The following SELP variants were observed in gnomAD, a reference collection of about 807,000 sequenced individuals.
SELP encodes the protein selectin P, also known as P-selectin.
Under a neutral mutation model 104.1 loss-of-function variants are expected in SELP, and 92 were observed. The ratio of observed to expected loss-of-function variants is 0.88; its 90% CI spans 0.75 to 1.05. SELP has a LOEUF of 1.05. SELP is among the 50% of genes least tolerant of loss of function. SELP has a pLI of 0.00. For synonymous variants in SELP, 397 were observed against 364.5 expected (o/e 1.09, Z -1.01); for missense variants, 1,022 against 1,017.3 (o/e 1.00, Z -0.06).
chr1:169,611,468 G>A, intron 7 of SELP, 24 bp downstream of exon 7: 3 of 1,611,002 alleles, frequency 1.9e-6, no homozygotes, highest in Non-Finnish European at 2.5e-6. Flanking sequence ...GGACAGAATG[G>A]AGGTTGCTAA....
At chr1:169,615,573 T>G (rs1662770482) in intron 3 of SELP, among the ~76,000 whole-genome samples, 1 of 152,182 alleles carries the variant, frequency 6.6e-6, no homozygotes, top group South Asian at 2.1e-4. Flanking sequence ...CAAGGTTATC[T>G]GATAAGAGAT....
intron 15 of SELP, 38 bp downstream of exon 15, chr1:169,591,388 A>G (rs769062381): frequency 1.7e-5 from 25 of 1,438,454 alleles, no homozygotes; most frequent in East Asian, 4.6e-5. Context: ...AAGTTAAGGT[A>G]GCAAAATTTA....
chr1:169,612,244 A>C lies in SELP; in HGVS notation c.934T>G (p.Trp312Gly), dbSNP rs768296218. Residue 312 changes from tryptophan to glycine, a missense_variant, in exon 6 of 17, where the codon TGG becomes GGG. Coordinates refer to ENST00000263686, the MANE Select transcript of SELP (RefSeq NM_003005.4). ...TTACACACTGGGGCTGGGGCTGTCCATACCCCCGAGGCTGTGCATTGCACC... is the reference window on the plus strand; with the variant it reads ...TTACACACTGGGGCTGGGGCTGTCCCTACCCCCGAGGCTGTGCATTGCACC... Reference protein sequence around the residue: ...EVVQCTASGVWTAPAPVCKAV... With the variant: ...EVVQCTASGVGTAPAPVCKAV... 3.1e-6 allele frequency: 5 copies of C among 1,613,936 alleles called. No individual in the cohort carries two copies. Among genetic ancestry groups the C allele is most frequent in the African/African-American group, 2.7e-5 (2 of 74,892 alleles).
chr1:169,627,015 G>A (rs1663404496), intron 1 of SELP, among the ~76,000 whole-genome samples: 1 of 152,066 alleles, frequency 6.6e-6, no homozygotes, highest in African/African-American at 2.4e-5. Context: ...TACAATCAGG[G>A]AGATTGCACT....
intron 7 of SELP, among the ~76,000 whole-genome samples, chr1:169,609,963 A>G (rs566320565): frequency 1.3e-5 from 2 of 151,966 alleles, no homozygotes; most frequent in African/African-American, 4.8e-5. Context: ...AGCCCCTGCA[A>G]TGTGCTCCCA....
chr1:169,617,581 T>C (rs1230217288), intron 2 of SELP, among the ~76,000 whole-genome samples, 167 bp from the exon 3 acceptor site: 2 of 152,188 alleles, frequency 1.3e-5, no homozygotes, highest in African/African-American at 4.8e-5. Context: ...AAAGAGTGGT[T>C]TCCACCTTTC....
Position 169,617,288 on chromosome 1 carries a change from T to C in SELP, c.221A>G (p.Asn74Ser). 2 of 1,614,200 alleles carry C rather than the reference T, an allele frequency of 1.2e-6. No individual in the cohort carries two copies. Among genetic ancestry groups the C allele is most frequent in the Non-Finnish European group, 1.7e-6 (2 of 1,180,034 alleles). ...GACCTTATTGAGGTAATCAATTTCATTTTTATTCTGGATGGCCACTAAGTC... is the reference window on the plus strand; with the variant it reads ...GACCTTATTGAGGTAATCAATTTCACTTTTATTCTGGATGGCCACTAAGTC... ...YTDLVAIQNK[N>S]EIDYLNKVLP... Residue 74 changes from asparagine (N) to serine (S), a missense_variant, in exon 3 of 17, where the codon AAT becomes AGT. By Grantham distance (46) the Asn-to-Ser change is conservative. Transcript: ENST00000263686.
chr1:169,593,834 G>T, intron 13 of SELP, 110 bp from the exon 14 acceptor site: 3 of 1,083,396 alleles, frequency 2.8e-6, no homozygotes, highest in South Asian at 1.6e-5. Context: ...GATCAAGTAG[G>T]ATCACCAAAG....
chr1:169,615,098 GAGA>G (rs1214762719), intron 3 of SELP, among the ~76,000 whole-genome samples: 8 of 152,164 alleles, frequency 5.3e-5, no homozygotes, highest in Non-Finnish European at 1.2e-4. Flanking sequence ...GATCTCCAGG[GAGA>G]AGATGATTTA....
At chr1:169,608,538 ATTTACTTCCTCT>A (rs1662320255) in intron 8 of SELP, among the ~76,000 whole-genome samples, 1 of 152,158 alleles carries the variant, frequency 6.6e-6, no homozygotes, top group African/African-American at 2.4e-5. Flanking sequence ...AGAGGTCAGA[ATTTACTTCCTCT>A]TTAAGGTTGA....
chr1:169,590,355 C>T (rs1394073876), intron 15 of SELP, among the ~76,000 whole-genome samples, 153 bp from the exon 16 acceptor site: 1 of 152,166 alleles, frequency 6.6e-6, no homozygotes, highest in Non-Finnish European at 1.5e-5. Flanking sequence ...AAGAAATATT[C>T]GATATCCCAC....
In SELP at chr1:169,629,626, G is replaced by A. The variant is rs3917656; in HGVS notation, c.3+446C>T. 2.9e-3 allele frequency among the ~76,000 whole-genome samples: 449 copies of A among 152,232 alleles called. 3 individuals are homozygous for A. Among genetic ancestry groups the A allele is most frequent in the African/African-American group, 0.01 (433 of 41,530 alleles). On this transcript the variant is annotated intron_variant, in intron 1 of 16. Transcript: ENST00000263686. ...CTATTCAATTGTAAGCTTGTCCCAG[G>A]GCACCTACCCAGTCTTCCATTTATT...
chr1:169,591,317 A>G (rs1008915844), intron 15 of SELP, 109 bp downstream of exon 15: 50 of 652,606 alleles, frequency 7.7e-5, no homozygotes, highest in Non-Finnish European at 1.3e-4. Flanking sequence ...ATTGCAAAAG[A>G]CATTGTAAAA....
chr1:169,624,715 G>A (rs1663292021), intron 1 of SELP, among the ~76,000 whole-genome samples: 1 of 152,134 alleles, frequency 6.6e-6, no homozygotes, highest in African/African-American at 2.4e-5. Context: ...TCCAGCCTTG[G>A]CAACAGAGTG....
Position 169,617,255 on chromosome 1 carries a change from T to A in SELP, c.254A>T (p.Tyr85Phe). The change falls in exon 3 of 17, where the codon TAC becomes TTC. Residue 85 changes from tyrosine (Y) to phenylalanine (F), a missense_variant. By Grantham distance (22) the Tyr-to-Phe change is conservative. Transcript: ENST00000263686. Reference sequence around the variant, plus strand: ...CCCAATCCAGTAGTAGGAGCTGTAGTAGGGTAGGACCTTATTGAGGTAATC... The same window carrying A: ...CCCAATCCAGTAGTAGGAGCTGTAGAAGGGTAGGACCTTATTGAGGTAATC... The part of the protein sequence containing the change: ...EIDYLNKVLP[Y>F]YSSYYWIGIR... 6.2e-7 allele frequency: 1 copy of A among 1,614,198 alleles called. No individual in the cohort carries two copies. Among genetic ancestry groups the A allele is most frequent in the Non-Finnish European group, 8.5e-7 (1 of 1,180,024 alleles).
rs149915436 is a variant in SELP at position 169,591,546 on chromosome 1, A to G, written c.2408-90T>C. The G allele has an allele frequency of 9.5e-4, 837 of 881,408 alleles. 7 individuals are homozygous for G. The East Asian group carries it at 0.014, about 15-fold the overall frequency. 54.6% of individuals were successfully genotyped at this position (881,408 alleles called of 1,614,324 possible). A position where few individuals can be genotyped will look rare whatever the true frequency, so the allele number is the denominator to read the frequency against. ...ATTAAGGATAGAAATTACTGGGGAA[A>G]ACCAGTAGACTGATTTTCAGGAGGG... On this transcript the variant is annotated intron_variant, in intron 14 of 16. Transcript: ENST00000263686.
At chr1:169,600,472 C>T (rs1251986835) in intron 10 of SELP, among the ~76,000 whole-genome samples, 1 of 152,160 alleles carries the variant, frequency 6.6e-6, no homozygotes, top group Non-Finnish European at 1.5e-5. Context: ...GGAACCAATT[C>T]CCCCTGCAGA....
chr1:169,609,989 C>T (rs992838720), intron 7 of SELP, among the ~76,000 whole-genome samples: 2 of 152,084 alleles, frequency 1.3e-5, no homozygotes, highest in Non-Finnish European at 2.9e-5. Flanking sequence ...TCTGTTCTTG[C>T]GCTGTTCATA....
intron 1 of SELP, among the ~76,000 whole-genome samples, chr1:169,622,320 G>A (rs150578159): frequency 9.1e-4 from 139 of 152,304 alleles, no homozygotes; most frequent in African/African-American, 3.1e-3. Context: ...AATTTTGATA[G>A]TAAATCACTA....
Sources: gnomAD v4.1 joint callset for allele counts (sites outside exome capture counted in the v4.1 genomes callset) on GRCh38, gnomAD v4.1.1 for gene constraint, MANE v1.5 for transcripts, NCBI Gene and HGNC (gene_info 2026-07-23, HGNC 2026-07-21) for gene names.